The following NF1 variants were observed in gnomAD, a reference collection of about 807,000 sequenced individuals.
The protein encoded by NF1 is neurofibromin.
NF1 carries 122 observed loss-of-function variants against 325.7 expected under a neutral mutation model. The observed-to-expected ratio is 0.37, with a 90% CI of 0.32 to 0.44. NF1 has a LOEUF of 0.44. Ranked by LOEUF, NF1 falls within the 20% of genes least tolerant of loss-of-function variation. The pLI is 1.00. For missense variants in NF1, 2,140 were observed against 3,415.4 expected (o/e 0.63, Z 9.31); for synonymous variants, 1,091 against 1,186.0 (o/e 0.92, Z 1.65).
chr17:31,365,145 C>T (rs998391768), intron 57 of NF1, among the ~76,000 whole-genome samples: 3 of 151,686 alleles, frequency 2.0e-5, no homozygotes, highest in Non-Finnish European at 2.9e-5. Context: ...ATTAGCCAGG[C>T]GTAGTGGCAT....
intron 39 of NF1, chr17:31,334,612 A>T: frequency 1.9e-6 from 1 of 514,206 alleles, no homozygotes; most frequent in Non-Finnish European, 3.5e-6. Flanking sequence ...GGAAAATAAG[A>T]CAAAACTTTT....
At chr17:31,170,547 A>C (rs2065913307) in intron 5 of NF1, among the ~76,000 whole-genome samples, 1 of 152,208 alleles carries the variant, frequency 6.6e-6, no homozygotes, top group Non-Finnish European at 1.5e-5. Context: ...CTTGTAGAAC[A>C]TGTCAGTAGT....
chr17:31,144,146 C>A (rs1916426125), intron 1 of NF1, among the ~76,000 whole-genome samples: 1 of 152,062 alleles, frequency 6.6e-6, no homozygotes. Context: ...TCAAAAATTT[C>A]TTTGGTATTC....
chr17:31,161,886 A>G (rs2065766760), intron 3 of NF1, among the ~76,000 whole-genome samples: 1 of 151,846 alleles, frequency 6.6e-6, no homozygotes, highest in African/African-American at 2.4e-5. Flanking sequence ...AAATACAAAA[A>G]TTAGCCAGAT....
intron 57 of NF1, chr17:31,361,693 C>T (rs554320862): frequency 1.3e-5 from 2 of 152,230 alleles, no homozygotes; most frequent in Non-Finnish European, 2.9e-5. Context: ...AATCCAATGA[C>T]ATAACTATTC....
chr17:31,302,580 G>T (rs570705400), intron 36 of NF1, among the ~76,000 whole-genome samples: 1 of 152,108 alleles, frequency 6.6e-6, no homozygotes, highest in Non-Finnish European at 1.5e-5. Flanking sequence ...GGTGGCTCAC[G>T]GCTGTAATCC....
intron 1 of NF1, among the ~76,000 whole-genome samples, chr17:31,103,011 A>G (rs1007950606): frequency 6.6e-6 from 1 of 151,418 alleles, no homozygotes; most frequent in African/African-American, 2.4e-5. Context: ...ACACCTGGCT[A>G]ATTTTTGTAT....
At chr17:31,157,661 A>G (rs1322941986) in intron 2 of NF1, among the ~76,000 whole-genome samples, 1 of 151,994 alleles carries the variant, frequency 6.6e-6, no homozygotes, top group Non-Finnish European at 1.5e-5. Flanking sequence ...ATTTGAAACT[A>G]TATAATGTTA....
chr17:31,207,963 A>G (rs1031436691), intron 12 of NF1, among the ~76,000 whole-genome samples: 1 of 152,164 alleles, frequency 6.6e-6, no homozygotes, highest in African/African-American at 2.4e-5. Context: ...CCAGCTGCCC[A>G]TAATTTTCTG....
rs761772247 is a variant in NF1, at chr17:31,258,379, T to C, written c.4209T>C (p.Gly1403=). The change falls in exon 32 of 58, where the codon GGT becomes GGC. Residue 1403 remains glycine, a synonymous_variant. Coordinates refer to ENST00000358273, the MANE Select transcript of NF1 (RefSeq NM_001042492.3). The stretch of plus-strand genomic sequence containing the variant: ...AGCGTTTCCCTCAGAACAGCATCGG[T>C]GCAGTAGGAAGTGCCATGTTCCTCA... ...VSQRFPQNSI[G]AVGSAMFLRF... The C allele has an allele frequency of 6.2e-7, 1 of 1,614,016 alleles. No homozygotes were observed. Among genetic ancestry groups the C allele is most frequent in the East Asian group, 2.2e-5 (1 of 44,852 alleles).
rs969495992 is a variant in NF1, at chr17:31,325,802, T to C, written c.4836-18T>C. 1.2e-6 allele frequency: 2 copies of C among 1,603,854 alleles called. No individual in the cohort carries two copies. The highest frequency in any genetic ancestry group is 3.3e-5 in the Admixed American group (2 of 60,006). On this transcript the variant is annotated intron_variant, in intron 36 of 57. Transcript: ENST00000358273. ...AAACACTGCTAATAATCTTTGTCTTTTTTGTCATTTTCCTTAGGTTCAAAA... is the reference window on the plus strand; with the variant it reads ...AAACACTGCTAATAATCTTTGTCTTCTTTGTCATTTTCCTTAGGTTCAAAA...
rs200926157 is a variant in NF1, at chr17:31,288,522, GTTTTTTTTTTTT to G, written c.4835+23196_4835+23207del. ...GCCCAGAACTAGTTTTTTTTGCTTT[GTTTTTTTTTTTT>G]TTTTTTTTTTTTGGAGTGGGAGACA... is the stretch of plus-strand genomic sequence containing the variant. On this transcript the variant is annotated intron_variant, in intron 36 of 57. Transcript: ENST00000358273. 1.1e-3 allele frequency among the ~76,000 whole-genome samples: 134 copies of G among 119,716 alleles called. 2 individuals are homozygous for G. The highest frequency in any genetic ancestry group is 1.1e-3 in the Non-Finnish European group (57 of 53,102). The allele number at this position is 119,716 out of a possible 152,430, so 78.5% of individuals were successfully genotyped here. A position where few individuals can be genotyped will look rare whatever the true frequency, so the allele number is the denominator to read the frequency against.
chr17:31,303,545 T>C (rs1416368560), intron 36 of NF1, among the ~76,000 whole-genome samples: 1 of 152,128 alleles, frequency 6.6e-6, no homozygotes, highest in African/African-American at 2.4e-5. Flanking sequence ...TTCTTTTCCT[T>C]TTTTTTGCTT....
intron 36 of NF1, among the ~76,000 whole-genome samples, chr17:31,279,395 G>T (rs2068074931): frequency 6.6e-6 from 1 of 152,134 alleles, no homozygotes; most frequent in Non-Finnish European, 1.5e-5. Flanking sequence ...ATGCTACTAG[G>T]TTTGTAACCT....
chr17:31,233,344 G>C, intron 27 of NF1, 131 bp downstream of exon 27: 1 of 956,128 alleles, frequency 1.0e-6, no homozygotes, highest in East Asian at 2.6e-5. Flanking sequence ...TGTTTAGTTA[G>C]GTGATTTTTC....
In NF1 at chr17:31,200,403, C is replaced by T. The variant is rs2143871497; in HGVS notation, c.889-19C>T. On this transcript the variant is annotated intron_variant, in intron 8 of 57. Coordinates refer to ENST00000358273, the MANE Select transcript of NF1 (RefSeq NM_001042492.3). ...AGAAACTTCATATATTATCTTATCG[C>T]TATATTTGAATTCTGTAGAAGTTAT... The T allele has an allele frequency of 6.2e-7, 1 of 1,612,054 alleles. No homozygotes were observed. Among genetic ancestry groups the T allele is most frequent in the Non-Finnish European group, 8.5e-7 (1 of 1,178,398 alleles).
At chr17:31,155,879 A>G (rs2065651446) in intron 1 of NF1, 104 bp from the exon 2 acceptor site, 1 of 1,314,014 alleles carries the variant, frequency 7.6e-7, no homozygotes, top group Admixed American at 2.1e-5. Flanking sequence ...TCTGTGGTTG[A>G]TGCAGTTTTC....
intron 35 of NF1, among the ~76,000 whole-genome samples, chr17:31,263,202 A>G (rs2067725953): frequency 6.6e-6 from 1 of 152,186 alleles, no homozygotes; most frequent in South Asian, 2.1e-4. Flanking sequence ...GCATTTTGGG[A>G]GGCCAAGGCA....
Position 31,226,681 on chromosome 17 carries a change from A to G in NF1, c.2248A>G (p.Thr750Ala), listed in dbSNP as rs748064845. ...TGCCTCTGTCAGCAATATGATGTCA[A>G]CAGGTAAATGTGAATAGTGGTTTTT... Reference protein sequence around the residue: ...EFASVSNMMSTGRAALQKRVM... With the variant: ...EFASVSNMMSAGRAALQKRVM... Residue 750 changes from threonine to alanine, a missense_variant, in exon 18 of 58, where the codon ACA becomes GCA. Physicochemically the swap from Thr to Ala is moderately conservative, Grantham distance 58 (BLOSUM62 0). This residue lies in a region of NF1 where 380 missense variants were observed against 639.3 expected (regional missense o/e 0.59). Coordinates refer to ENST00000358273, the MANE Select transcript of NF1 (RefSeq NM_001042492.3). 9 of 1,613,674 alleles carry G rather than the reference A, an allele frequency of 5.6e-6. No homozygotes were observed. The highest frequency in any genetic ancestry group is 1.7e-5 in the Admixed American group (1 of 59,994).
Sources: gnomAD v4.1 joint callset for allele counts (sites outside exome capture counted in the v4.1 genomes callset) on GRCh38, gnomAD v4.1.1 for gene constraint, gnomAD v4.1.1 regional missense constraint, MANE v1.5 for transcripts, NCBI Gene and HGNC (gene_info 2026-07-23, HGNC 2026-07-21) for gene names.